The following RASSF5 variants were observed in gnomAD, a reference collection of about 807,000 sequenced individuals.
RASSF5 encodes ras association domain-containing protein 5.
A neutral mutation model predicts 40.5 loss-of-function variants in RASSF5; 25 were observed. That is an observed-to-expected ratio of 0.62 (90% CI 0.45 to 0.86). The LOEUF is 0.86. Among genes scored for constraint, RASSF5 ranks in the 40% least tolerant of loss-of-function variants. The pLI is 0.00. For synonymous variants in RASSF5, 246 were observed against 252.4 expected (o/e 0.97, Z 0.24); for missense variants, 521 against 572.8 (o/e 0.91, Z 0.92).
At chr1:206,530,833 T>C (rs1490416250) in intron 1 of RASSF5, among the ~76,000 whole-genome samples, 1 of 152,186 alleles carries the variant, frequency 6.6e-6, no homozygotes, top group African/African-American at 2.4e-5. Context: ...ATGGAAGGTC[T>C]GAGGATGATC....
rs1553401114 is a variant in RASSF5 at position 206,552,128 on chromosome 1, T to TCTCA, written c.579+13835_579+13836insCTCA. The stretch of plus-strand genomic sequence containing the variant: ...CTGGCAGCCAATCAGAAGTGTGGTG[T>TCTCA]GGGTTAGCACCGCTGAGAAAGTGAC... On this transcript the variant is annotated intron_variant, in intron 2 of 5. Transcript: ENST00000579436. This position sits in a 1 kb window ranked among gnomAD's most constrained non-coding sequence, Gnocchi z 4.1. Among the ~76,000 whole-genome samples, 6 of 152,172 alleles carry TCTCA rather than the reference T, an allele frequency of 3.9e-5. No individual in the cohort carries two copies. Among genetic ancestry groups the TCTCA allele is most frequent in the African/African-American group, 1.2e-4 (5 of 41,422 alleles).
At chr1:206,523,950 A>T (rs1201435194) in intron 1 of RASSF5, among the ~76,000 whole-genome samples, 4 of 112,860 alleles carry the variant, frequency 3.5e-5, no homozygotes, top group African/African-American at 1.2e-4. Context: ...TTTTATATAT[A>T]ATATATATAC....
Position 206,520,593 on chromosome 1 carries a change from C to T in RASSF5, c.457+12534C>T, listed in dbSNP as rs868990777. On this transcript the variant is annotated intron_variant, in intron 1 of 5. Coordinates refer to ENST00000579436, the MANE Select transcript of RASSF5 (RefSeq NM_182663.4). Reference sequence around the variant, plus strand: ...CTGCACTCCAGCCCAGTTGACAAAGCAAGACTCCATCTCAAAAAAAAAAAA... The same window carrying T: ...CTGCACTCCAGCCCAGTTGACAAAGTAAGACTCCATCTCAAAAAAAAAAAA... 5.7e-4 allele frequency among the ~76,000 whole-genome samples: 77 copies of T among 134,562 alleles called. 1 individual carries two copies. The Middle Eastern group carries it at 0.023, about 41-fold the overall frequency. The allele number at this position is 134,562 out of a possible 152,430, so 88.3% of individuals were successfully genotyped here.
chr1:206,567,928 A>G (rs868989889), intron 2 of RASSF5, among the ~76,000 whole-genome samples: 10 of 152,292 alleles, frequency 6.6e-5, no homozygotes, highest in South Asian at 2.1e-4. Context: ...GAAGGGGTCA[A>G]ATAATGTGCC....
intron 1 of RASSF5, among the ~76,000 whole-genome samples, chr1:206,527,383 G>A (rs1267640040): frequency 6.6e-6 from 1 of 152,166 alleles, no homozygotes; most frequent in Admixed American, 6.5e-5. Context: ...CTGAGAGCCT[G>A]CTGTCTTGTG....
intron 2 of RASSF5, among the ~76,000 whole-genome samples, chr1:206,563,557 G>A (rs1299454496): frequency 6.6e-6 from 1 of 152,138 alleles, no homozygotes; most frequent in Admixed American, 6.6e-5. Context: ...TCAACCACCT[G>A]CACCAGAACT....
chr1:206,553,817 GTTA>G, intron 2 of RASSF5, among the ~76,000 whole-genome samples: 1 of 152,348 alleles, frequency 6.6e-6, no homozygotes, highest in East Asian at 1.9e-4. Flanking sequence ...CAGGCATGTG[GTTA>G]TTATGAGAGT....
intron 5 of RASSF5, 138 bp from the exon 6 acceptor site, chr1:206,586,688 G>A: frequency 1.4e-6 from 1 of 712,314 alleles, no homozygotes; most frequent in Non-Finnish European, 2.4e-6. Flanking sequence ...CGCTGATTCA[G>A]TCTGTTCAGT....
rs116679036 is a variant in RASSF5, at chr1:206,566,731, A to C, written c.580-16538A>C. ...AGAATGTGGGAGCTGGTGATTCCAG[A>C]GTGTTAGAGGGCATTTCCAGTTGTA... On this transcript the variant is annotated intron_variant, in intron 2 of 5. Transcript: ENST00000579436. 7.9e-3 allele frequency among the ~76,000 whole-genome samples: 1,199 copies of C among 152,150 alleles called. 19 individuals are homozygous for C. The highest frequency in any genetic ancestry group is 0.028 in the African/African-American group (1,145 of 41,500).
rs35396988 is a variant in RASSF5 at position 206,523,869 on chromosome 1, T to A, written c.458-14303T>A. Reference sequence around the variant, plus strand: ...ATACTATACAATATATTTTATATATTATATATTTTATATATATTTTTCATG... The same window carrying A: ...ATACTATACAATATATTTTATATATAATATATTTTATATATATTTTTCATG... On this transcript the variant is annotated intron_variant, in intron 1 of 5. Transcript: ENST00000579436. Among the ~76,000 whole-genome samples the A allele has an allele frequency of 3.6e-5, 4 of 109,706 alleles. No homozygotes were observed. In the East Asian group the frequency reaches 7.7e-4, roughly 21 times the overall value. 72.0% of individuals were successfully genotyped at this position (109,706 alleles called of 152,430 possible).
chr1:206,524,217 T>G (rs1315397178), intron 1 of RASSF5, among the ~76,000 whole-genome samples: 1 of 138,634 alleles, frequency 7.2e-6, no homozygotes, highest in Non-Finnish European at 1.5e-5. Context: ...ATACTTTATA[T>G]ATAATATAGA....
Position 206,513,188 on chromosome 1 carries a change from C to T in RASSF5, c.457+5129C>T, listed in dbSNP as rs115302888. Among the ~76,000 whole-genome samples the T allele has an allele frequency of 0.027, 4,140 of 152,302 alleles. 93 individuals are homozygous for T. Among genetic ancestry groups the T allele is most frequent in the Middle Eastern group, 0.13 (37 of 294 alleles). Reference sequence around the variant, plus strand: ...GTCCCAGCTCCTGCACCCCAGTGTTCTCCCACAGGGTTCTCTCTGGCTCCC... The same window carrying T: ...GTCCCAGCTCCTGCACCCCAGTGTTTTCCCACAGGGTTCTCTCTGGCTCCC... On this transcript the variant is annotated intron_variant, in intron 1 of 5. Coordinates refer to ENST00000579436, the MANE Select transcript of RASSF5 (RefSeq NM_182663.4). The surrounding 1 kb of genome is among the most constrained non-coding windows in gnomAD (Gnocchi z 5.0).
intron 1 of RASSF5, among the ~76,000 whole-genome samples, chr1:206,511,946 G>A (rs1553394736): frequency 6.6e-6 from 1 of 152,200 alleles, no homozygotes; most frequent in Non-Finnish European, 1.5e-5. Flanking sequence ...TTCTGTAGCA[G>A]AGAAAGGTCT....
intron 1 of RASSF5, among the ~76,000 whole-genome samples, chr1:206,520,514 G>A (rs970070115): frequency 2.0e-5 from 3 of 151,792 alleles, no homozygotes; most frequent in Non-Finnish European, 4.4e-5. Context: ...GGCTGAGGCC[G>A]GAGAATTGCT....
intron 2 of RASSF5, among the ~76,000 whole-genome samples, chr1:206,541,573 A>G (rs1218348966): frequency 6.6e-6 from 1 of 152,160 alleles, no homozygotes; most frequent in Non-Finnish European, 1.5e-5. Flanking sequence ...GTTTCTCCTT[A>G]AAGATCTCTG....
At chr1:206,569,967 A>G (rs1668396190) in intron 2 of RASSF5, among the ~76,000 whole-genome samples, 1 of 152,080 alleles carries the variant, frequency 6.6e-6, no homozygotes, top group African/African-American at 2.4e-5. Context: ...AAGTAAGGGA[A>G]GCTCCCAACT....
intron 2 of RASSF5, among the ~76,000 whole-genome samples, chr1:206,576,950 C>T (rs1171383213): frequency 6.6e-6 from 1 of 151,348 alleles, no homozygotes; most frequent in East Asian, 1.9e-4. Flanking sequence ...ACTACAGGTG[C>T]ACTTCACTGT....
chr1:206,585,703 C>T (rs1383805694), intron 5 of RASSF5: 3 of 162,100 alleles, frequency 1.9e-5, no homozygotes, highest in Admixed American at 6.1e-5. Context: ...CTTTTCTTGA[C>T]CTCCATCCCC....
chr1:206,526,269 A>AGTGTGTGTGTGT (rs61263066), intron 1 of RASSF5, among the ~76,000 whole-genome samples: 2,003 of 143,108 alleles, frequency 0.014, 19 homozygotes, highest in African/African-American at 0.027. Context: ...GCTTTCTGGC[A>AGTGTGTGTGTGT]GTGTGTGTGT....
Sources: allele counts gnomAD v4.1 joint callset (sites outside exome capture counted in the v4.1 genomes callset), GRCh38; gene constraint gnomAD v4.1.1; non-coding constraint Gnocchi (gnomAD v3.1); transcripts MANE v1.5; gene names NCBI Gene and HGNC (gene_info 2026-07-23, HGNC 2026-07-21).